Variants in COL9A1 observed in about 807,000 individuals in gnomAD.
COL9A1 encodes the protein collagen type IX alpha 1 chain.
A neutral mutation model predicts 142.6 loss-of-function variants in COL9A1; 104 were observed. The observed-to-expected ratio is 0.73, with a 90% CI of 0.62 to 0.86. The LOEUF (loss-of-function observed/expected upper bound fraction) is 0.86. Ranked by LOEUF, COL9A1 falls within the 40% of genes least tolerant of loss-of-function variation. The pLI is 0.00. For missense variants in COL9A1, 1,210 were observed against 1,176.6 expected (o/e 1.03, Z -0.42); for synonymous variants, 466 against 396.0 (o/e 1.18, Z -2.10).
At chr6:70,259,754 GCCCAATA>G (rs1771553654) in intron 20 of COL9A1, among the ~76,000 whole-genome samples, 2 of 151,954 alleles carry the variant, frequency 1.3e-5, no homozygotes, top group Non-Finnish European at 2.9e-5. Flanking sequence ...TATTTGTCTT[GCCCAATA>G]AATAACTGAC....
At chr6:70,266,087 AG>A (rs1771991925) in intron 18 of COL9A1, among the ~76,000 whole-genome samples, 1 of 152,186 alleles carries the variant, frequency 6.6e-6, no homozygotes, top group African/African-American at 2.4e-5. Context: ...GTGGATGAAA[AG>A]AGGGCAAATA....
intron 37 of COL9A1, among the ~76,000 whole-genome samples, chr6:70,218,668 T>C (rs541032331): frequency 1.6e-3 from 250 of 152,218 alleles, no homozygotes; most frequent in African/African-American, 5.5e-3. Flanking sequence ...GTTTTTACTT[T>C]TCTTTTTCTA....
In COL9A1 at chr6:70,225,917, ATAC is replaced by A. The variant is rs1446792868; in HGVS notation, c.2581+12_2581+14del. On this transcript the variant is annotated intron_variant, in intron 37 of 37. Coordinates refer to ENST00000357250, the MANE Select transcript of COL9A1 (RefSeq NM_001851.6). ...ATTTCGCTACCTCCTCCTCTCAGCTATACAACACACTTACCTGGGAGACCTATA... is the reference window on the plus strand; with the variant it reads ...ATTTCGCTACCTCCTCCTCTCAGCTAAACACACTTACCTGGGAGACCTATA... 1 of 1,611,482 alleles carries A rather than the reference ATAC, an allele frequency of 6.2e-7. No homozygotes were observed. Among genetic ancestry groups the A allele is most frequent in the Non-Finnish European group, 8.5e-7 (1 of 1,177,776 alleles).
Position 70,256,629 on chromosome 6 carries a change from T to C in COL9A1, c.1503+139A>G, listed in dbSNP as rs1296877638. 4 of 608,592 alleles carry C rather than the reference T, an allele frequency of 6.6e-6. No homozygotes were observed. In the South Asian group the frequency reaches 9.5e-5, roughly 15 times the overall value. 37.7% of individuals were successfully genotyped at this position (608,592 alleles called of 1,614,324 possible). ...GAGAAAGATACCTGTCTTAATTAAA[T>C]TTAAATTTAAACATATATATATAAA... is the stretch of plus-strand genomic sequence containing the variant. On this transcript the variant is annotated intron_variant, in intron 21 of 37. Coordinates refer to ENST00000357250, the MANE Select transcript of COL9A1 (RefSeq NM_001851.6).
At chr6:70,235,252 A>C (rs1293780408) in intron 33 of COL9A1, among the ~76,000 whole-genome samples, 1 of 152,186 alleles carries the variant, frequency 6.6e-6, no homozygotes, top group East Asian at 1.9e-4. Flanking sequence ...CAAGAGTTTG[A>C]GACCAGGCTG....
chr6:70,302,739 T>G (rs1774120157), intron 1 of COL9A1, among the ~76,000 whole-genome samples, 172 bp downstream of exon 1: 1 of 152,110 alleles, frequency 6.6e-6, no homozygotes, highest in Non-Finnish European at 1.5e-5. Context: ...GTGTCTGTCT[T>G]CGGTTTCTCA....
intron 33 of COL9A1, among the ~76,000 whole-genome samples, chr6:70,239,047 G>A (rs993008320): frequency 6.6e-5 from 10 of 152,126 alleles, no homozygotes; most frequent in Admixed American, 3.3e-4. Context: ...GCTAAGGCAG[G>A]AGAATTGCTT....
At position 70,268,834 on chromosome 6, in the gene COL9A1, G is replaced by A. The variant is rs1772207548; in HGVS notation, c.1257C>T (p.Arg419=). Residue 419 remains arginine, a synonymous_variant, in exon 17 of 38, where the codon CGC becomes CGT. Coordinates refer to ENST00000357250, the MANE Select transcript of COL9A1 (RefSeq NM_001851.6). ...PLCPNACPPG[R]SGYPGLPGMR... ...TGCCTGGTAGGCCTGGATATCCTGA[G>A]CGACCTGGTGGACAGGCATTGGGAC... 2.5e-6 allele frequency: 4 copies of A among 1,613,952 alleles called. No homozygotes were observed. The highest frequency in any genetic ancestry group is 2.5e-6 in the Non-Finnish European group (3 of 1,179,898).
rs572798494 is a variant in COL9A1 at position 70,233,455 on chromosome 6, C to A, written c.2315-684G>T. ...AGGAACCATTAAATAGATTCAGAAT[C>A]ACCCACTAAAGGCATGGCCTACAAC... On this transcript the variant is annotated intron_variant, in intron 35 of 37. Transcript: ENST00000357250. Among the ~76,000 whole-genome samples, 4 of 152,260 alleles carry A rather than the reference C, an allele frequency of 2.6e-5. No individual in the cohort carries two copies. The South Asian group carries it at 8.3e-4, about 32-fold the overall frequency.
At chr6:70,267,553 G>A (rs952885439) in intron 17 of COL9A1, among the ~76,000 whole-genome samples, 2 of 151,506 alleles carry the variant, frequency 1.3e-5, no homozygotes, top group African/African-American at 4.9e-5. Context: ...AACTCCCAAC[G>A]TCAGGTGATC....
chr6:70,251,969 A>G (rs1486840442), intron 28 of COL9A1, 151 bp downstream of exon 28: 6 of 881,404 alleles, frequency 6.8e-6, no homozygotes. Flanking sequence ...CATGCTGTGC[A>G]TCTAAATAGC....
chr6:70,234,820 C>T lies in COL9A1; in HGVS notation c.2233G>A (p.Gly745Ser), dbSNP rs1219473004. The change falls in exon 34 of 38, where the codon GGC becomes AGC. Residue 745 changes from glycine to serine, a missense_variant. Physicochemically the swap from Gly to Ser is moderately conservative, Grantham distance 56. Transcript: ENST00000357250. ...RGVQGEQGAT[G>S]LPGVQGPPGR... The stretch of plus-strand genomic sequence containing the variant: ...GGAGGGCCCTGGACACCAGGCAGGC[C>T]GGTGGCACCCTGTTCTCCCTGCACA... 8.1e-6 allele frequency: 13 copies of T among 1,613,928 alleles called. 1 individual carries two copies. In the African/African-American group the frequency reaches 9.3e-5, roughly 12 times the overall value.
chr6:70,271,624 A>G (rs1436886595), intron 14 of COL9A1, 31 bp downstream of exon 14: 1 of 1,605,706 alleles, frequency 6.2e-7, no homozygotes. Context: ...TAAATCAGCA[A>G]ACGTCTATCA....
chr6:70,269,987 C>G (rs1327512633), intron 15 of COL9A1, among the ~76,000 whole-genome samples: 1 of 152,162 alleles, frequency 6.6e-6, no homozygotes, highest in Non-Finnish European at 1.5e-5. Flanking sequence ...ATTTTTCTTA[C>G]TATGAAAACC....
At chr6:70,215,366 T>A (rs1316361877), downstream of COL9A1, 1 of 152,166 alleles carries the variant, frequency 6.6e-6, no homozygotes, top group Non-Finnish European at 1.5e-5. Context: ...ATTTAAAATG[T>A]ATAAAAGTAC....
chr6:70,237,922 T>C (rs572206884), intron 33 of COL9A1, among the ~76,000 whole-genome samples: 1 of 152,264 alleles, frequency 6.6e-6, no homozygotes, highest in Non-Finnish European at 1.5e-5. Flanking sequence ...AATGCTTAAG[T>C]AGGAAGTAGC....
rs141825151 is a variant in COL9A1 at position 70,241,442 on chromosome 6, C to T, written c.2011G>A (p.Glu671Lys). Residue 671 changes from glutamate (E) to lysine (K), a missense_variant, in exon 31 of 38, where the codon GAA becomes AAA. By Grantham distance (56) the Glu-to-Lys change is moderately conservative. Transcript: ENST00000357250. ...ACCTGTTCACCCTTTGGACCCGGTT[C>T]ACCGACTACACCCTGTAATAAATAA... The part of the protein sequence containing the change: ...GMKGDRGVVG[E>K]PGPKGEQGAS... 98 of 1,610,184 alleles carry T rather than the reference C, an allele frequency of 6.1e-5. No individual in the cohort carries two copies. The African/African-American group carries it at 1.2e-3, about 20-fold the overall frequency.
At chr6:70,283,587 T>C (rs1476312080) in intron 6 of COL9A1, 150 bp downstream of exon 6, 1 of 742,136 alleles carries the variant, frequency 1.3e-6, no homozygotes, top group Non-Finnish European at 2.4e-6. Context: ...TTCCCTAATA[T>C]TTCTCTAGTC....
intron 4 of COL9A1, among the ~76,000 whole-genome samples, chr6:70,299,403 G>T (rs1383529764): frequency 6.6e-6 from 1 of 152,068 alleles, no homozygotes; most frequent in Admixed American, 6.6e-5. Flanking sequence ...GTATTTAGGT[G>T]ATATCAAAAC....
Sources: allele counts gnomAD v4.1 joint callset (sites outside exome capture counted in the v4.1 genomes callset), GRCh38; gene constraint gnomAD v4.1.1; transcripts MANE v1.5; gene names NCBI Gene and HGNC (gene_info 2026-07-23, HGNC 2026-07-21).